Variants in CSMD1 observed in about 807,000 individuals in gnomAD.
The protein encoded by CSMD1 is CUB and sushi domain-containing protein 1.
CSMD1 carries 213 observed loss-of-function variants against 417.5 expected under a neutral mutation model. That is an observed-to-expected ratio of 0.51 (90% CI 0.46 to 0.57). The LOEUF is 0.57. Ranked by LOEUF, CSMD1 falls within the 20% of genes least tolerant of loss-of-function variation. The pLI, the probability that CSMD1 is intolerant of heterozygous loss-of-function variation, is 0.00. For synonymous variants in CSMD1, 2,862 were observed against 1,736.8 expected, an observed-to-expected ratio of 1.65 and a Z score of -16.11; for missense variants, 6,923 against 4,529.7, an observed-to-expected ratio of 1.53 and a Z score of -15.17.
intron 3 of CSMD1, among the ~76,000 whole-genome samples, chr8:4,350,675 T>A (rs1488457957): frequency 6.6e-6 from 1 of 152,226 alleles, no homozygotes; most frequent in Non-Finnish European, 1.5e-5. Flanking sequence ...AACAAAGGTG[T>A]ATTTTTCATC....
intron 37 of CSMD1, among the ~76,000 whole-genome samples, chr8:3,178,415 C>A (rs191360397): frequency 1.1e-4 from 16 of 151,890 alleles, no homozygotes; most frequent in Middle Eastern, 6.8e-3. Context: ...AGACATTTTT[C>A]AGAGAGCACT....
intron 1 of CSMD1, among the ~76,000 whole-genome samples, chr8:4,639,680 T>C (rs1031952917): frequency 1.1e-4 from 16 of 152,220 alleles, no homozygotes; most frequent in East Asian, 1.9e-4. Context: ...TCAGCTCTTA[T>C]TGTTAAAGTA....
intron 7 of CSMD1, among the ~76,000 whole-genome samples, chr8:3,657,150 CA>C (rs985514919): frequency 2.0e-5 from 3 of 151,678 alleles, no homozygotes; most frequent in South Asian, 2.1e-4. Flanking sequence ...CATTTGGCTA[CA>C]AAAAAAAGTA....
intron 4 of CSMD1, among the ~76,000 whole-genome samples, chr8:4,004,257 A>C: frequency 6.6e-6 from 1 of 152,080 alleles, no homozygotes; most frequent in African/African-American, 2.4e-5. Context: ...CATCTAAAAA[A>C]CATCCCAGTA....
At chr8:3,223,651 T>C (rs964720352) in intron 28 of CSMD1, 78 bp downstream of exon 28, 3 of 1,443,412 alleles carry the variant, frequency 2.1e-6, no homozygotes, top group African/African-American at 1.4e-5. Context: ...TTAGAGACTA[T>C]GAGGTCATAA....
At chr8:4,972,146 G>A (rs1303989710) in intron 1 of CSMD1, among the ~76,000 whole-genome samples, 2 of 152,102 alleles carry the variant, frequency 1.3e-5, no homozygotes, top group Non-Finnish European at 2.9e-5. Flanking sequence ...GCCCCTGTAG[G>A]TAGAAATGAG....
intron 5 of CSMD1, among the ~76,000 whole-genome samples, chr8:3,832,446 T>C (rs372010173): frequency 2.0e-5 from 3 of 152,218 alleles, no homozygotes; most frequent in Non-Finnish European, 4.4e-5. Flanking sequence ...ATAAAGCGAT[T>C]ATGTAAGATA....
chr8:3,672,015 C>G (rs1290520149), intron 7 of CSMD1, among the ~76,000 whole-genome samples: 1 of 152,128 alleles, frequency 6.6e-6, no homozygotes, highest in Non-Finnish European at 1.5e-5. Context: ...ACACAAAAGA[C>G]AGTAGGTTTT....
intron 5 of CSMD1, among the ~76,000 whole-genome samples, chr8:3,812,629 C>G (rs1563105241): frequency 1.3e-5 from 2 of 152,114 alleles, no homozygotes; most frequent in Non-Finnish European, 2.9e-5. Context: ...CATTGACTGA[C>G]AAATCTGTAT....
chr8:4,203,381 T>G (rs909670202), intron 3 of CSMD1, among the ~76,000 whole-genome samples: 8 of 152,138 alleles, frequency 5.3e-5, no homozygotes, highest in African/African-American at 1.9e-4. Context: ...AAATATGAGG[T>G]GAGATCTTTG....
chr8:4,243,055 C>G (rs895147689), intron 3 of CSMD1, among the ~76,000 whole-genome samples: 1 of 152,034 alleles, frequency 6.6e-6, no homozygotes, highest in African/African-American at 2.4e-5. Flanking sequence ...GTACACGGGT[C>G]AGGGGTAGTT....
chr8:4,488,866 G>C (rs965324285), intron 2 of CSMD1, among the ~76,000 whole-genome samples: 2 of 152,096 alleles, frequency 1.3e-5, no homozygotes, highest in African/African-American at 4.8e-5. Flanking sequence ...ATGATAAAAC[G>C]ACAGAAATCC....
At chr8:3,845,460 G>C (rs1299016334) in intron 5 of CSMD1, among the ~76,000 whole-genome samples, 5 of 151,772 alleles carry the variant, frequency 3.3e-5, no homozygotes, top group South Asian at 2.1e-4. Flanking sequence ...AAAAGGTACA[G>C]CTGAAAAATC....
chr8:3,468,136 G>C (rs924894682), intron 12 of CSMD1, among the ~76,000 whole-genome samples: 8 of 152,134 alleles, frequency 5.3e-5, no homozygotes, highest in South Asian at 2.1e-4. Flanking sequence ...CCATTTAAAA[G>C]TAATCAATAT....
At chr8:3,406,935 T>C (rs1171423830) in intron 14 of CSMD1, among the ~76,000 whole-genome samples, 2 of 152,202 alleles carry the variant, frequency 1.3e-5, no homozygotes, top group Non-Finnish European at 2.9e-5. Flanking sequence ...GACATCATAT[T>C]ACACAGTTGT....
intron 11 of CSMD1, among the ~76,000 whole-genome samples, chr8:3,479,011 G>A (rs1039796347): frequency 3.3e-5 from 5 of 151,430 alleles, no homozygotes; most frequent in Non-Finnish European, 7.4e-5. Context: ...ATCTCCCCAA[G>A]CCCACCCAAC....
chr8:4,472,535 A>G (rs1242683947), intron 2 of CSMD1, among the ~76,000 whole-genome samples: 1 of 152,176 alleles, frequency 6.6e-6, no homozygotes, highest in Non-Finnish European at 1.5e-5. Flanking sequence ...CCAAAACAGT[A>G]TTTAGAATTA....
chr8:3,922,555 A>T (rs1466050305), intron 5 of CSMD1, among the ~76,000 whole-genome samples: 1 of 151,822 alleles, frequency 6.6e-6, no homozygotes, highest in Non-Finnish European at 1.5e-5. Flanking sequence ...AGAGTTTTTG[A>T]TTTTTGTTCA....
At chr8:4,331,171 G>A (rs1410848671) in intron 3 of CSMD1, among the ~76,000 whole-genome samples, 1 of 152,090 alleles carries the variant, frequency 6.6e-6, no homozygotes, top group African/African-American at 2.4e-5. Flanking sequence ...TGCCTGATAA[G>A]AATAAACCAG....
Sources: allele counts gnomAD v4.1 joint callset (sites outside exome capture counted in the v4.1 genomes callset), GRCh38; gene constraint gnomAD v4.1.1; transcripts MANE v1.5; gene names NCBI Gene and HGNC (gene_info 2026-07-23, HGNC 2026-07-21).